The following DNM3 variants were observed in gnomAD, a reference collection of about 807,000 sequenced individuals.
DNM3 encodes dynamin 3.
Under a neutral mutation model 101.6 loss-of-function variants are expected in DNM3, and 47 were observed. The observed-to-expected ratio is 0.46, with a 90% CI of 0.37 to 0.59. DNM3 has a LOEUF of 0.59. Among genes scored for constraint, DNM3 ranks in the 20% least tolerant of loss-of-function variants. DNM3 has a pLI of 0.00. For synonymous variants in DNM3, 385 were observed against 387.9 expected (o/e 0.99, Z 0.09); for missense variants, 849 against 1,085.7 (o/e 0.78, Z 3.06).
At chr1:172,075,016 C>T (rs542505606) in intron 11 of DNM3, among the ~76,000 whole-genome samples, 29 of 152,262 alleles carry the variant, frequency 1.9e-4, no homozygotes, top group African/African-American at 5.3e-4. Flanking sequence ...TTCTAACTGG[C>T]GTGAGATGGT....
intron 15 of DNM3, among the ~76,000 whole-genome samples, chr1:172,297,041 G>A (rs563149078): frequency 4.0e-5 from 6 of 151,728 alleles, no homozygotes; most frequent in African/African-American, 9.7e-5. Context: ...TACTTGGGAG[G>A]CTGAGGCAGG....
chr1:172,003,149 T>G (rs2046457507), intron 4 of DNM3, among the ~76,000 whole-genome samples: 1 of 152,042 alleles, frequency 6.6e-6, no homozygotes, highest in Non-Finnish European at 1.5e-5. Flanking sequence ...TCTCTTTATA[T>G]TAATATATGG....
At chr1:172,159,393 G>A (rs776756772) in intron 14 of DNM3, among the ~76,000 whole-genome samples, 3 of 152,020 alleles carry the variant, frequency 2.0e-5, no homozygotes, top group Admixed American at 6.6e-5. Flanking sequence ...GTCCAAGACT[G>A]CCGTGGTAAA....
At chr1:171,855,134 G>A (rs1458685524) in intron 1 of DNM3, among the ~76,000 whole-genome samples, 1 of 152,132 alleles carries the variant, frequency 6.6e-6, no homozygotes, top group Non-Finnish European at 1.5e-5. Flanking sequence ...GGCAACATTT[G>A]GTTGTCTGTT....
At position 172,316,893 on chromosome 1, in the gene DNM3, T is replaced by G. The variant is rs574051006; in HGVS notation, c.1882-6436T>G. 2.4e-3 allele frequency among the ~76,000 whole-genome samples: 358 copies of G among 152,280 alleles called. 2 individuals are homozygous for G. The highest frequency in any genetic ancestry group is 8.2e-3 in the African/African-American group (341 of 41,550). On this transcript the variant is annotated intron_variant, in intron 16 of 20. Transcript: ENST00000627582. ...TCAGCTCTGCACCAAGCGGACCTAA[T>G]AGACATCTACAGAACTCTCCACCCC... is the stretch of plus-strand genomic sequence containing the variant.
intron 2 of DNM3, among the ~76,000 whole-genome samples, chr1:171,971,158 G>C (rs141403697): frequency 1.4e-4 from 21 of 151,712 alleles, no homozygotes; most frequent in Non-Finnish European, 2.8e-4. Context: ...TAAAAATTTG[G>C]TATGTGTTCT....
At chr1:172,215,897 C>T (rs2060677881) in intron 14 of DNM3, among the ~76,000 whole-genome samples, 1 of 150,196 alleles carries the variant, frequency 6.7e-6, no homozygotes, top group African/African-American at 2.5e-5. Context: ...GTTATAAAGC[C>T]TTGAGTTATT....
At chr1:171,902,846 T>G (rs1472721923) in intron 1 of DNM3, among the ~76,000 whole-genome samples, 1 of 152,206 alleles carries the variant, frequency 6.6e-6, no homozygotes, top group Non-Finnish European at 1.5e-5. Flanking sequence ...AAAATTTCTA[T>G]AGCATCTATG....
chr1:172,004,894 A>G (rs938417358), intron 4 of DNM3, among the ~76,000 whole-genome samples: 11 of 152,106 alleles, frequency 7.2e-5, no homozygotes, highest in African/African-American at 2.7e-4. Flanking sequence ...AGGATTGGCA[A>G]ATAGGCAGCA....
At chr1:171,842,138 C>A (rs186817617) in intron 1 of DNM3, among the ~76,000 whole-genome samples, 1 of 152,146 alleles carries the variant, frequency 6.6e-6, no homozygotes, top group African/African-American at 2.4e-5. Flanking sequence ...CGACCCCCAC[C>A]CCCTCGGTGC....
At chr1:172,196,911 A>G (rs1228126605) in intron 14 of DNM3, among the ~76,000 whole-genome samples, 3 of 152,144 alleles carry the variant, frequency 2.0e-5, no homozygotes, top group Non-Finnish European at 4.4e-5. Context: ...CTTAAGTTTA[A>G]TTAGATCCCA....
chr1:172,334,892 A>G (rs2066350592), intron 17 of DNM3, among the ~76,000 whole-genome samples: 1 of 152,160 alleles, frequency 6.6e-6, no homozygotes, highest in South Asian at 2.1e-4. Flanking sequence ...AAATTTGGGT[A>G]ACTTTTATGT....
At chr1:171,951,206 T>C (rs896075987) in intron 2 of DNM3, among the ~76,000 whole-genome samples, 1 of 152,216 alleles carries the variant, frequency 6.6e-6, no homozygotes, top group African/African-American at 2.4e-5. Flanking sequence ...ATGATCCTGG[T>C]GACTGACATT....
chr1:172,203,870 AG>A (rs1417427962), intron 14 of DNM3, among the ~76,000 whole-genome samples: 2 of 152,184 alleles, frequency 1.3e-5, no homozygotes, highest in African/African-American at 4.8e-5. Context: ...GTTGTGTATA[AG>A]GTTTGCAAGG....
chr1:172,200,024 GTTTTTGTTTTAGCTGGTAGTGGTC>G lies in DNM3; in HGVS notation c.1660-53545_1660-53522del, dbSNP rs150019482. ...GACACTGGTCCATGTGTTTAAGTGT[GTTTTTGTTTTAGCTGGTAGTGGTC>G]TTTCCTTTCTATATTTCATGTTCCT... On this transcript the variant is annotated intron_variant, in intron 14 of 20. Coordinates refer to ENST00000627582, the MANE Select transcript of DNM3 (RefSeq NM_015569.5). Among the ~76,000 whole-genome samples, 43 of 152,198 alleles carry G rather than the reference GTTTTTGTTTTAGCTGGTAGTGGTC, an allele frequency of 2.8e-4. No individual in the cohort carries two copies. The East Asian group carries it at 6.6e-3, about 23-fold the overall frequency.
At chr1:171,985,874 T>C (rs2045215688) in intron 2 of DNM3, among the ~76,000 whole-genome samples, 1 of 152,030 alleles carries the variant, frequency 6.6e-6, no homozygotes, top group Non-Finnish European at 1.5e-5. Context: ...AAGATAAGGG[T>C]GTGAGGCCCA....
At chr1:172,200,485 T>G (rs2060114975) in intron 14 of DNM3, among the ~76,000 whole-genome samples, 1 of 152,174 alleles carries the variant, frequency 6.6e-6, no homozygotes, top group East Asian at 1.9e-4. Context: ...ATGGACAATA[T>G]CCTGAAATAT....
chr1:172,251,673 C>G (rs755925824), intron 14 of DNM3, among the ~76,000 whole-genome samples: 2 of 152,042 alleles, frequency 1.3e-5, no homozygotes, highest in Non-Finnish European at 2.9e-5. Context: ...TAAAAGAGAG[C>G]CTACTTCTAT....
intron 1 of DNM3, among the ~76,000 whole-genome samples, chr1:171,899,165 C>G (rs1026425046): frequency 6.6e-6 from 1 of 152,218 alleles, no homozygotes; most frequent in Non-Finnish European, 1.5e-5. Flanking sequence ...CATCTCTACC[C>G]TTTGTCTGGA....
Sources: gnomAD v4.1 joint callset for allele counts (sites outside exome capture counted in the v4.1 genomes callset) on GRCh38, gnomAD v4.1.1 for gene constraint, MANE v1.5 for transcripts, NCBI Gene and HGNC (gene_info 2026-07-23, HGNC 2026-07-21) for gene names.